CSGALNACT1: variants seen among roughly 807,000 people sequenced by gnomAD.
CSGALNACT1 encodes beta4GalNAcT-1.
Under a neutral mutation model 51.0 loss-of-function variants are expected in CSGALNACT1, and 52 were observed. The ratio of observed to expected loss-of-function variants is 1.02; its 90% confidence interval spans 0.82 to 1.29. The LOEUF (loss-of-function observed/expected upper bound fraction) is 1.29, where lower values mean the gene tolerates loss of function less well. Ranked by LOEUF, CSGALNACT1 falls within the 50% of genes most tolerant of loss-of-function variation. CSGALNACT1 has a pLI of 0.00. For missense variants in CSGALNACT1, 935 were observed against 679.2 expected, an observed-to-expected ratio of 1.38 and a Z score of -4.19; for synonymous variants, 341 against 254.4, an observed-to-expected ratio of 1.34 and a Z score of -3.24.
intron 4 of CSGALNACT1, among the ~76,000 whole-genome samples, chr8:19,465,505 C>T (rs549741565): frequency 7.9e-5 from 12 of 152,320 alleles, no homozygotes; most frequent in South Asian, 4.1e-4. Flanking sequence ...GAATGCTATA[C>T]GTATTGACCA....
chr8:19,654,950 A>G (rs2154186419), intron 1 of CSGALNACT1, among the ~76,000 whole-genome samples: 1 of 152,320 alleles, frequency 6.6e-6, no homozygotes, highest in Admixed American at 6.5e-5. Context: ...TCTACTAAAA[A>G]AAAAAATTCT....
chr8:19,523,888 T>G (rs139245719), intron 3 of CSGALNACT1, among the ~76,000 whole-genome samples: 8 of 152,274 alleles, frequency 5.3e-5, no homozygotes, highest in African/African-American at 1.7e-4. Context: ...GAGAGAAAGA[T>G]CATCTGTTTG....
intron 3 of CSGALNACT1, among the ~76,000 whole-genome samples, chr8:19,540,356 G>T (rs1346689326): frequency 6.6e-6 from 1 of 152,106 alleles, no homozygotes; most frequent in Non-Finnish European, 1.5e-5. Context: ...ACCTGGGTCG[G>T]GATTATAAAG....
chr8:19,424,813 C>T (rs149234506), intron 6 of CSGALNACT1, among the ~76,000 whole-genome samples: 9 of 152,286 alleles, frequency 5.9e-5, no homozygotes, highest in African/African-American at 9.6e-5. Context: ...ATGTGCCCAA[C>T]GTAGTGTGAT....
chr8:19,580,021 G>A lies in CSGALNACT1; in HGVS notation c.-297+11139C>T, dbSNP rs532478995. On this transcript the variant is annotated intron_variant, in intron 3 of 9. Transcript: ENST00000454498. ...AATAAAGGCACACAAAACTTGAGGG[G>A]TTAAGGAAAACACCCTGAAGTGAGA... Among the ~76,000 whole-genome samples, 5 of 152,298 alleles carry A rather than the reference G, an allele frequency of 3.3e-5. No homozygotes were observed. In the East Asian group the frequency reaches 9.6e-4, roughly 29 times the overall value.
At chr8:19,744,955 A>T (rs2064556940) in intron 1 of CSGALNACT1, among the ~76,000 whole-genome samples, 2 of 152,228 alleles carry the variant, frequency 1.3e-5, no homozygotes, top group Admixed American at 1.3e-4. Context: ...CAATGTAAAC[A>T]CAGCTAAAAC....
intron 1 of CSGALNACT1, among the ~76,000 whole-genome samples, chr8:19,721,307 G>A (rs1015388075): frequency 2.0e-5 from 3 of 152,142 alleles, no homozygotes; most frequent in African/African-American, 7.2e-5. Flanking sequence ...AAGACCTCAA[G>A]CCCTCTGCCT....
chr8:19,562,373 A>G (rs935148658), intron 3 of CSGALNACT1, among the ~76,000 whole-genome samples: 2 of 152,196 alleles, frequency 1.3e-5, no homozygotes, highest in African/African-American at 2.4e-5. Flanking sequence ...TTGCTAGGCA[A>G]TACCATTCAG....
chr8:19,428,348 G>A (rs1490451002), intron 6 of CSGALNACT1, among the ~76,000 whole-genome samples: 1 of 152,202 alleles, frequency 6.6e-6, no homozygotes, highest in East Asian at 1.9e-4. Flanking sequence ...GCGGAAGGCA[G>A]AAGAGGAGCA....
chr8:19,606,605 T>C (rs890309763), upstream of CSGALNACT1, among the ~76,000 whole-genome samples: 7 of 152,212 alleles, frequency 4.6e-5, no homozygotes, highest in African/African-American at 1.4e-4. Flanking sequence ...AAAAAGAGGA[T>C]CTTGGTGTCC....
Position 19,756,275 on chromosome 8 carries a change from G to T in CSGALNACT1, c.-297+1575C>A, listed in dbSNP as rs75602487. Among the ~76,000 whole-genome samples the T allele has an allele frequency of 3.5e-3, 525 of 151,670 alleles. 5 individuals carry two copies. Among genetic ancestry groups the T allele is most frequent in the African/African-American group, 0.012 (489 of 41,346 alleles). On this transcript the variant is annotated intron_variant, in intron 1 of 1. Transcript: ENST00000517494. ...ACTTCATTACCTTTATTATCTAGAC[G>T]TATCTAATGACGTTAAGTAAAAACT...
At chr8:19,639,505 C>G (rs1327950213) in intron 1 of CSGALNACT1, among the ~76,000 whole-genome samples, 1 of 152,196 alleles carries the variant, frequency 6.6e-6, no homozygotes, top group East Asian at 1.9e-4. Context: ...GGAAACAGGT[C>G]TGTCACAAAA....
intron 3 of CSGALNACT1, among the ~76,000 whole-genome samples, chr8:19,570,423 C>G (rs1185868206): frequency 6.6e-6 from 1 of 152,082 alleles, no homozygotes; most frequent in East Asian, 1.9e-4. Flanking sequence ...AGAAGCCATT[C>G]CAGCTGTCTC....
intron 1 of CSGALNACT1, among the ~76,000 whole-genome samples, chr8:19,622,912 C>T (rs891263135): frequency 3.9e-5 from 6 of 152,022 alleles, no homozygotes; most frequent in South Asian, 2.1e-4. Context: ...ACCCCAATTA[C>T]AAGACAAAGA....
At chr8:19,623,461 A>C (rs1021897672) in intron 1 of CSGALNACT1, among the ~76,000 whole-genome samples, 5 of 152,248 alleles carry the variant, frequency 3.3e-5, no homozygotes, top group Admixed American at 6.5e-5. Flanking sequence ...AGCATAAAAT[A>C]TCCTGTCACA....
intron 4 of CSGALNACT1, among the ~76,000 whole-genome samples, chr8:19,479,331 T>A (rs897990042): frequency 6.6e-6 from 1 of 152,180 alleles, no homozygotes; most frequent in Non-Finnish European, 1.5e-5. Flanking sequence ...GTGCTCTGGA[T>A]AGACTATGGG....
intron 1 of CSGALNACT1, among the ~76,000 whole-genome samples, chr8:19,668,145 A>G (rs1324044508): frequency 6.6e-6 from 1 of 152,218 alleles, no homozygotes; most frequent in Non-Finnish European, 1.5e-5. Flanking sequence ...GTTTTCATAG[A>G]TTTTTCCTAT....
At chr8:19,725,431 T>C (rs527674446) in intron 1 of CSGALNACT1, among the ~76,000 whole-genome samples, 3 of 151,146 alleles carry the variant, frequency 2.0e-5, no homozygotes, top group South Asian at 2.1e-4. Flanking sequence ...TTTTCTTTTT[T>C]TTTTTTTTTT....
chr8:19,647,094 C>T (rs1564341754), intron 1 of CSGALNACT1, among the ~76,000 whole-genome samples: 1 of 152,072 alleles, frequency 6.6e-6, no homozygotes, highest in African/African-American at 2.4e-5. Context: ...CATCACAGGC[C>T]ACCCTGAAGG....
Sources: allele counts gnomAD v4.1 joint callset (sites outside exome capture counted in the v4.1 genomes callset), GRCh38; gene constraint gnomAD v4.1.1; transcripts MANE v1.5; gene names NCBI Gene and HGNC (gene_info 2026-07-23, HGNC 2026-07-21).